Variants in USP12 observed in about 807,000 individuals in gnomAD.
USP12 encodes ubiquitin carboxyl-terminal hydrolase 12.
Under a neutral mutation model 45.5 loss-of-function variants are expected in USP12, and 19 were observed. The ratio of observed to expected loss-of-function variants is 0.42; its 90% confidence interval spans 0.29 to 0.61. The LOEUF is 0.61. Ranked by LOEUF, USP12 falls within the 20% of genes least tolerant of loss-of-function variation. The pLI, the probability that USP12 is intolerant of heterozygous loss-of-function variation, is 0.22. For missense variants in USP12, 242 were observed against 447.7 expected (o/e 0.54, Z 4.15); for synonymous variants, 149 against 148.8 (o/e 1.00, Z -0.01).
intron 6 of USP12, among the ~76,000 whole-genome samples, chr13:27,080,069 C>T (rs1166622439): frequency 6.6e-6 from 1 of 152,140 alleles, no homozygotes; most frequent in Non-Finnish European, 1.5e-5. Flanking sequence ...GTCACAGGCA[C>T]AAATGAGGCT....
At chr13:27,107,342 A>C (rs1875190748) in intron 2 of USP12, among the ~76,000 whole-genome samples, 1 of 152,180 alleles carries the variant, frequency 6.6e-6, no homozygotes, top group African/African-American at 2.4e-5. Context: ...AACAAACAAA[A>C]AAAACAAATT....
chr13:27,130,769 T>C (rs1028244278), intron 1 of USP12, among the ~76,000 whole-genome samples: 1 of 152,196 alleles, frequency 6.6e-6, no homozygotes, highest in East Asian at 1.9e-4. Flanking sequence ...GAGTCACTTG[T>C]TGAAATCTCA....
At chr13:27,105,968 T>C in intron 2 of USP12, 24 bp from the exon 3 acceptor site, 5 of 1,580,416 alleles carry the variant, frequency 3.2e-6, no homozygotes, top group Non-Finnish European at 4.3e-6. Flanking sequence ...AAAAAAGTTT[T>C]GTTAAATTTA....
Position 27,171,630 on chromosome 13 carries a change from G to C in USP12, c.10C>G (p.Leu4Val). ...GAGGCGAATTTGGAGACTGTCATTA[G>C]GATTTCCATCCGGCCAGCGCCATCT... MEILMTVSKFASIC... is the reference protein window; with the variant it reads MEIVMTVSKFASIC... Residue 4 changes from leucine to valine, a missense_variant, in exon 1 of 9, where the codon CTA (leucine) becomes GTA (valine). Around this residue, in one of 5 missense-constraint regions of USP12, gnomAD observed 19 missense variants for 16.1 expected, o/e 1.18. Coordinates refer to ENST00000282344, the MANE Select transcript of USP12 (RefSeq NM_182488.4). 1 of 1,299,490 alleles carries C rather than the reference G, an allele frequency of 7.7e-7. No individual in the cohort carries two copies. The highest frequency in any genetic ancestry group is 1.0e-6 in the Non-Finnish European group (1 of 992,168). The allele number at this position is 1,299,490 out of a possible 1,614,324, so 80.5% of individuals were successfully genotyped here.
At chr13:27,095,338 GT>G (rs994324429) in intron 4 of USP12, among the ~76,000 whole-genome samples, 18 of 152,116 alleles carry the variant, frequency 1.2e-4, no homozygotes, top group Non-Finnish European at 2.2e-4. Context: ...CCACAACATG[GT>G]TCTATGGCCT....
chr13:27,169,208 A>C (rs1878476699), intron 1 of USP12: 1 of 152,216 alleles, frequency 6.6e-6, no homozygotes, highest in Non-Finnish European at 1.5e-5. Flanking sequence ...TACTGAGATT[A>C]CAAAAATGCC....
intron 1 of USP12, 105 bp from the exon 2 acceptor site, chr13:27,116,701 G>A (rs769193530): frequency 3.5e-5 from 35 of 1,004,588 alleles, no homozygotes; most frequent in Middle Eastern, 6.4e-4. Context: ...ATCACATTAC[G>A]ATGGAGCTGC....
intron 6 of USP12, among the ~76,000 whole-genome samples, chr13:27,087,128 T>TGC (rs1874087929): frequency 1.3e-5 from 2 of 150,908 alleles, no homozygotes; most frequent in Admixed American, 1.3e-4. Flanking sequence ...TGTGTGCGTG[T>TGC]GTGAGAGTGT....
chr13:27,117,653 G>A (rs1470107378), intron 1 of USP12: 7 of 399,256 alleles, frequency 1.8e-5, no homozygotes, highest in Non-Finnish European at 3.2e-5. Context: ...AAAGCAGACC[G>A]AAGAATGTAT....
chr13:27,170,151 G>C (rs1017474745), intron 1 of USP12: 18 of 395,632 alleles, frequency 4.5e-5, no homozygotes, highest in African/African-American at 3.7e-4. Context: ...AATGTAAACT[G>C]TGAGAAAGAA....
intron 1 of USP12, chr13:27,162,761 T>G (rs976827568): frequency 6.6e-6 from 1 of 152,202 alleles, no homozygotes; most frequent in Non-Finnish European, 1.5e-5. Flanking sequence ...TTTGAACCAT[T>G]TGGATTATTA....
intron 1 of USP12, among the ~76,000 whole-genome samples, chr13:27,158,347 C>A (rs7998437): frequency 0.46 from 69,961 of 152,032 alleles, 17,725 homozygotes; most frequent in East Asian, 0.77. Context: ...TCAGAGGGAA[C>A]CAACCCTGTC....
At position 27,069,117 on chromosome 13, in the gene USP12, C is replaced by T. The variant is rs1873121849; in HGVS notation, c.*166G>A. ...GAGCAAATAAATCAACTACCATGAT[C>T]GGAAGGGCTTGTCAATCCATCGTCT... is the stretch of plus-strand genomic sequence containing the variant. On this transcript the variant is annotated 3_prime_UTR_variant, in exon 9 of 9. Transcript: ENST00000282344. 9.3e-6 allele frequency: 6 copies of T among 644,974 alleles called. No individual in the cohort carries two copies. Among genetic ancestry groups the T allele is most frequent in the African/African-American group, 1.8e-5 (1 of 54,604 alleles). 40.0% of individuals were successfully genotyped at this position (644,974 alleles called of 1,614,324 possible). A position where few individuals can be genotyped will look rare whatever the true frequency, so the allele number is the denominator to read the frequency against.
At chr13:27,070,926 A>G in intron 8 of USP12, 145 bp downstream of exon 8, 1 of 642,918 alleles carries the variant, frequency 1.6e-6, no homozygotes, top group Non-Finnish European at 2.6e-6. Context: ...GCAGAGTAAG[A>G]AGTAGGAATT....
At chr13:27,079,220 G>C (rs148979424) in intron 6 of USP12, among the ~76,000 whole-genome samples, 4 of 150,420 alleles carry the variant, frequency 2.7e-5, no homozygotes, top group Non-Finnish European at 4.4e-5. Flanking sequence ...TGTGTGGGGC[G>C]GGGGGGAGTG....
At chr13:27,069,881 A>G (rs1873162070) in intron 8 of USP12, among the ~76,000 whole-genome samples, 1 of 152,134 alleles carries the variant, frequency 6.6e-6, no homozygotes, top group African/African-American at 2.4e-5. Flanking sequence ...CAGGAGGTGG[A>G]GGTGGTGGTG....
rs71083627 is a variant in USP12 at position 27,086,282 on chromosome 13, T to TACACAC, written c.734+3595_734+3600dup. ...ACATATACATACACATATATATAAT[T>TACACAC]ACACACACACACACACACACACACA... On this transcript the variant is annotated intron_variant, in intron 6 of 8. Transcript: ENST00000282344. 7.2e-3 allele frequency among the ~76,000 whole-genome samples: 989 copies of TACACAC among 137,402 alleles called. 10 individuals carry two copies. The highest frequency in any genetic ancestry group is 0.015 in the African/African-American group (562 of 36,968). 90.1% of individuals were successfully genotyped at this position (137,402 alleles called of 152,430 possible).
At chr13:27,085,948 T>C (rs1873990241) in intron 6 of USP12, among the ~76,000 whole-genome samples, 1 of 151,888 alleles carries the variant, frequency 6.6e-6, no homozygotes, top group Non-Finnish European at 1.5e-5. Flanking sequence ...GGAGGACTGC[T>C]TGAGGCCAGG....
chr13:27,167,606 A>G (rs948665279), intron 1 of USP12, among the ~76,000 whole-genome samples: 8 of 151,994 alleles, frequency 5.3e-5, no homozygotes, highest in African/African-American at 1.7e-4. Flanking sequence ...GCAAAATTAG[A>G]TAAGTAAAAC....
Sources: gnomAD v4.1 joint callset for allele counts (sites outside exome capture counted in the v4.1 genomes callset) on GRCh38, gnomAD v4.1.1 for gene constraint, gnomAD v4.1.1 regional missense constraint, MANE v1.5 for transcripts, NCBI Gene and HGNC (gene_info 2026-07-23, HGNC 2026-07-21) for gene names.